Variants in SMOC2 observed in about 807,000 individuals in gnomAD.
SMOC2 encodes SPARC related modular calcium binding 2.
A neutral mutation model predicts 61.4 loss-of-function variants in SMOC2; 39 were observed. The observed-to-expected ratio is 0.64, with a 90% CI of 0.49 to 0.83. The LOEUF is 0.83. Among genes scored for constraint, SMOC2 ranks in the 40% least tolerant of loss-of-function variants. The pLI is 0.00. For synonymous variants in SMOC2, 247 were observed against 239.9 expected (o/e 1.03, Z -0.27); for missense variants, 556 against 592.9 (o/e 0.94, Z 0.65).
At chr6:168,539,969 G>A (rs1183431787) in intron 4 of SMOC2, among the ~76,000 whole-genome samples, 2 of 152,176 alleles carry the variant, frequency 1.3e-5, no homozygotes, top group Non-Finnish European at 2.9e-5. Context: ...GGGCATGATG[G>A]CAGTCCCACC....
intron 1 of SMOC2, among the ~76,000 whole-genome samples, chr6:168,485,414 A>C (rs925033482): frequency 1.3e-5 from 2 of 152,366 alleles, no homozygotes; most frequent in Non-Finnish European, 2.9e-5. Flanking sequence ...AAAAGGTGAA[A>C]TCAACCTGAA....
chr6:168,467,467 C>G (rs142860928), intron 1 of SMOC2, among the ~76,000 whole-genome samples: 1 of 152,058 alleles, frequency 6.6e-6, no homozygotes, highest in African/African-American at 2.4e-5. Flanking sequence ...CCACCACACC[C>G]GGCTAATTTT....
At chr6:168,637,998 C>T (rs556746051) in intron 9 of SMOC2, among the ~76,000 whole-genome samples, 7 of 147,968 alleles carry the variant, frequency 4.7e-5, no homozygotes, top group African/African-American at 1.7e-4. Flanking sequence ...CACCCTGCAG[C>T]GCCCAGGGAA....
intron 7 of SMOC2, among the ~76,000 whole-genome samples, chr6:168,579,975 G>T (rs1784886458): frequency 1.3e-5 from 2 of 152,178 alleles, no homozygotes; most frequent in Non-Finnish European, 2.9e-5. Flanking sequence ...GAGGACACCG[G>T]GGAGGATACA....
At chr6:168,599,741 C>T (rs1347869778) in intron 8 of SMOC2, among the ~76,000 whole-genome samples, 1 of 143,710 alleles carries the variant, frequency 7.0e-6, no homozygotes, top group Non-Finnish European at 1.5e-5. Flanking sequence ...CTCACACACT[C>T]ATACCCACAC....
At chr6:168,653,312 AT>A in intron 11 of SMOC2, 84 bp downstream of exon 11, 1 of 1,488,984 alleles carries the variant, frequency 6.7e-7, no homozygotes, top group Non-Finnish European at 9.0e-7. Context: ...ACAATTACAG[AT>A]TGTGTTTATG....
rs1270236761 is a variant in SMOC2, at chr6:168,544,955, C to G, written c.511+1283C>G. Among the ~76,000 whole-genome samples the G allele has an allele frequency of 6.6e-6, 1 of 151,944 alleles. No homozygotes were observed. The highest frequency in any genetic ancestry group is 1.9e-4 in the East Asian group (1 of 5,168). On this transcript the variant is annotated intron_variant, in intron 5 of 12. Coordinates refer to ENST00000356284, the MANE Select transcript of SMOC2 (RefSeq NM_001166412.2). The surrounding 1 kb of genome is among the most constrained non-coding windows in gnomAD (Gnocchi z 4.1). ...GCTGGAACAGAAGAAGCCTCACAGT[C>G]AAGGAAGATAGCTCATTTTCCAGCC...
At chr6:168,518,867 ATG>A (rs199532673) in intron 2 of SMOC2, among the ~76,000 whole-genome samples, 468 of 120,900 alleles carry the variant, frequency 3.9e-3, no homozygotes, top group African/African-American at 0.014. Flanking sequence ...TTGTGTATGA[ATG>A]TATTCATGTG....
rs760867564 is a variant in SMOC2, at chr6:168,652,968, A to G, written c.1025A>G (p.Asp342Gly). 2 of 1,613,384 alleles carry G rather than the reference A, an allele frequency of 1.2e-6. No homozygotes were observed. Among genetic ancestry groups the G allele is most frequent in the Non-Finnish European group, 1.7e-6 (2 of 1,179,834 alleles). The change falls in exon 11 of 13, where the codon GAC becomes GGC. Residue 342 changes from aspartate (D) to glycine (G), a missense_variant. Coordinates refer to ENST00000356284, the MANE Select transcript of SMOC2 (RefSeq NM_001166412.2). ...SSSSGRLSEP[D>G]PSHTLEERVV... Reference sequence around the variant, plus strand: ...GTTCCTTCCAGGCTCTCAGAACCCGACCCCAGCCATACCCTAGAGGAGCGG... The same window carrying G: ...GTTCCTTCCAGGCTCTCAGAACCCGGCCCCAGCCATACCCTAGAGGAGCGG...
At chr6:168,537,623 G>T (rs1299560760) in intron 4 of SMOC2, among the ~76,000 whole-genome samples, 3 of 152,252 alleles carry the variant, frequency 2.0e-5, no homozygotes, top group Non-Finnish European at 4.4e-5. Flanking sequence ...ACCCCAGGAG[G>T]CCGAGTGGCT....
chr6:168,635,425 G>A (rs1050503165), intron 9 of SMOC2, among the ~76,000 whole-genome samples: 7 of 152,138 alleles, frequency 4.6e-5, no homozygotes, highest in Non-Finnish European at 7.4e-5. Flanking sequence ...GTGGCCCCGC[G>A]TGGGGCCACT....
In SMOC2 at chr6:168,666,528, T is replaced by A; in HGVS notation, c.*90T>A. Reference sequence around the variant, plus strand: ...AGAAAACAAAAACAGAAACACATAGTATTTGCACTTTGTACTTTAAATGTA... The same window carrying A: ...AGAAAACAAAAACAGAAACACATAGAATTTGCACTTTGTACTTTAAATGTA... On this transcript the variant is annotated 3_prime_UTR_variant, in exon 13 of 13. Coordinates refer to ENST00000356284, the MANE Select transcript of SMOC2 (RefSeq NM_001166412.2). 7.4e-7 allele frequency: 1 copy of A among 1,348,678 alleles called. No individual in the cohort carries two copies. The highest frequency in any genetic ancestry group is 1.1e-6 in the Non-Finnish European group (1 of 944,780). The allele number at this position is 1,348,678 out of a possible 1,614,324, so 83.5% of individuals were successfully genotyped here. A position where few individuals can be genotyped will look rare whatever the true frequency, so the allele number is the denominator to read the frequency against.
chr6:168,547,270 A>G (rs1784025984), intron 6 of SMOC2, 101 bp downstream of exon 6: 3 of 972,216 alleles, frequency 3.1e-6, no homozygotes, highest in East Asian at 4.8e-5. Flanking sequence ...AGCTCCGTTC[A>G]GTATGGAGTG....
At chr6:168,482,475 A>G (rs558470704) in intron 1 of SMOC2, among the ~76,000 whole-genome samples, 8 of 152,218 alleles carry the variant, frequency 5.3e-5, no homozygotes, top group African/African-American at 1.9e-4. Flanking sequence ...TCACTGGTGA[A>G]TTCTACCAAA....
At chr6:168,604,968 A>G (rs1253629739) in intron 8 of SMOC2, among the ~76,000 whole-genome samples, 2 of 152,068 alleles carry the variant, frequency 1.3e-5, no homozygotes, top group African/African-American at 4.8e-5. Flanking sequence ...TTGTTTGCAG[A>G]TCCCGGAAGG....
At chr6:168,541,458 A>G (rs947414560) in intron 4 of SMOC2, among the ~76,000 whole-genome samples, 1 of 152,214 alleles carries the variant, frequency 6.6e-6, no homozygotes, top group Non-Finnish European at 1.5e-5. Context: ...GCAAATCCTT[A>G]TCTCCAGAAA....
At chr6:168,496,843 C>T (rs1782602290) in intron 1 of SMOC2, among the ~76,000 whole-genome samples, 1 of 152,234 alleles carries the variant, frequency 6.6e-6, no homozygotes, top group Non-Finnish European at 1.5e-5. Context: ...TGGAAGGATT[C>T]CATGTCTGGG....
intron 1 of SMOC2, among the ~76,000 whole-genome samples, chr6:168,458,324 G>A (rs566343317): frequency 1.8e-4 from 26 of 147,264 alleles, no homozygotes; most frequent in Admixed American, 5.4e-4. Flanking sequence ...TGGGGGCATC[G>A]TGCTGCCTGC....
At chr6:168,522,355 C>T (rs182912693) in intron 2 of SMOC2, among the ~76,000 whole-genome samples, 3 of 152,130 alleles carry the variant, frequency 2.0e-5, no homozygotes, top group Admixed American at 6.5e-5. Flanking sequence ...CTACTTTTTA[C>T]CCAAAAGACT....
Sources: allele counts gnomAD v4.1 joint callset (sites outside exome capture counted in the v4.1 genomes callset), GRCh38; gene constraint gnomAD v4.1.1; non-coding constraint Gnocchi (gnomAD v3.1); transcripts MANE v1.5; gene names NCBI Gene and HGNC (gene_info 2026-07-23, HGNC 2026-07-21).